The following SLC5A10 variants were observed in gnomAD, a reference collection of about 807,000 sequenced individuals.
The protein encoded by SLC5A10 is solute carrier family 5 member 10.
In SLC5A10, 55 loss-of-function variants were observed where a neutral mutation model predicts 68.9. That is an observed-to-expected ratio of 0.80 (90% CI 0.64 to 1.00). The LOEUF (loss-of-function observed/expected upper bound fraction) is 1.00, where lower values mean the gene tolerates loss of function less well. SLC5A10 is among the 50% of genes least tolerant of loss of function. SLC5A10 has a pLI of 0.00. For synonymous variants in SLC5A10, 344 were observed against 344.8 expected, an observed-to-expected ratio of 1.00 and a Z score of 0.02; for missense variants, 732 against 819.3, an observed-to-expected ratio of 0.89 and a Z score of 1.30.
chr17:18,956,968 G>C (rs1174838241), intron 1 of SLC5A10, among the ~76,000 whole-genome samples: 1 of 152,122 alleles, frequency 6.6e-6, no homozygotes, highest in Non-Finnish European at 1.5e-5. Flanking sequence ...GGCCAACATA[G>C]TGAAACCCCC....
intron 1 of SLC5A10, among the ~76,000 whole-genome samples, chr17:18,956,924 A>G (rs2469843): frequency 0.89 from 134,953 of 152,118 alleles, 60,334 homozygotes; most frequent in Middle Eastern, 0.92. Flanking sequence ...CAAGGCAGGC[A>G]GATCACATGA....
chr17:18,964,523 G>A (rs983237745), intron 5 of SLC5A10, among the ~76,000 whole-genome samples: 1 of 152,200 alleles, frequency 6.6e-6, no homozygotes, highest in Admixed American at 6.5e-5. Flanking sequence ...TCTAGACAGG[G>A]GGTAAGGAAA....
Position 18,978,521 on chromosome 17 carries a change from G to A in SLC5A10, c.982+1532G>A, listed in dbSNP as rs762745473. On this transcript the variant is annotated intron_variant, in intron 9 of 14. Transcript: ENST00000395645. ...CTCGGGGAGTTCCCCTGGATGCTCA[G>A]CCAGCGCTGGGCCTTTCAGCCCCAG... The A allele has an allele frequency of 9.9e-6, 16 of 1,613,166 alleles. No homozygotes were observed. In the East Asian group the frequency reaches 2.9e-4, roughly 29 times the overall value.
At chr17:18,985,893 C>T (rs2043257509) in intron 9 of SLC5A10, among the ~76,000 whole-genome samples, 1 of 152,232 alleles carries the variant, frequency 6.6e-6, no homozygotes, top group South Asian at 2.1e-4. Context: ...TACCCAAGCC[C>T]CTACCCCAGC....
At chr17:18,998,327 C>T (rs891724377) in intron 9 of SLC5A10, among the ~76,000 whole-genome samples, 3 of 152,226 alleles carry the variant, frequency 2.0e-5, no homozygotes, top group Non-Finnish European at 2.9e-5. Context: ...AAACTGAGGC[C>T]GAGGGTCCTG....
intron 9 of SLC5A10, chr17:18,978,041 C>T (rs756034004): frequency 1.3e-6 from 2 of 1,532,464 alleles, no homozygotes; most frequent in Admixed American, 4.2e-5. Context: ...CCTGGGTAGC[C>T]TATGGTCTGT....
In SLC5A10 at chr17:19,003,538, C is replaced by A. The variant is rs767942923; in HGVS notation, c.983-9872C>A. 6.5e-7 allele frequency: 1 copy of A among 1,540,394 alleles called. No individual in the cohort carries two copies. Among genetic ancestry groups the A allele is most frequent in the Non-Finnish European group, 8.7e-7 (1 of 1,143,122 alleles). On this transcript the variant is annotated intron_variant, in intron 9 of 14. Coordinates refer to ENST00000395645, the MANE Select transcript of SLC5A10 (RefSeq NM_001042450.4). The surrounding 1 kb of genome is among the most constrained non-coding windows in gnomAD (Gnocchi z 4.5). ...GCCTCACCTTCTGTGCCTGGCTGAT[C>A]ATCTTCCGCACCACCTCTTTGATGT...
At chr17:18,982,643 G>A (rs1413577337) in intron 9 of SLC5A10, among the ~76,000 whole-genome samples, 1 of 152,170 alleles carries the variant, frequency 6.6e-6, no homozygotes, top group African/African-American at 2.4e-5. Flanking sequence ...GGCAAGGTGG[G>A]GGCTCCAGGG....
At chr17:18,983,154 C>T (rs1278382894) in intron 9 of SLC5A10, among the ~76,000 whole-genome samples, 1 of 152,222 alleles carries the variant, frequency 6.6e-6, no homozygotes, top group African/African-American at 2.4e-5. Context: ...GTGACCTGCC[C>T]ACTGTCTCCC....
At position 19,017,559 on chromosome 17, in the gene SLC5A10, C is replaced by T. The variant is rs996442985; in HGVS notation, c.1242-1864C>T. The T allele has an allele frequency of 4.6e-6, 3 of 652,160 alleles. No homozygotes were observed. Among genetic ancestry groups the T allele is most frequent in the African/African-American group, 3.7e-5 (2 of 54,794 alleles). 40.4% of individuals were successfully genotyped at this position (652,160 alleles called of 1,614,324 possible). On this transcript the variant is annotated intron_variant, in intron 11 of 14. Transcript: ENST00000395645. The surrounding 1 kb of genome is among the most constrained non-coding windows in gnomAD (Gnocchi z 5.6). Reference sequence around the variant, plus strand: ...CCAGCTGAGCAGAGGCTGGAGGAGCCGTCACAGGCTGGGGGAGAGCGATGA... The same window carrying T: ...CCAGCTGAGCAGAGGCTGGAGGAGCTGTCACAGGCTGGGGGAGAGCGATGA...
In SLC5A10 at chr17:18,966,250, GA is replaced by G. The variant is rs137961538; in HGVS notation, c.454-2801del. Among the ~76,000 whole-genome samples, 484 of 152,292 alleles carry G rather than the reference GA, an allele frequency of 3.2e-3. 3 individuals are homozygous for G. The highest frequency in any genetic ancestry group is 0.011 in the African/African-American group (458 of 41,548). On this transcript the variant is annotated intron_variant, in intron 5 of 14. Transcript: ENST00000395645. ...GCAGGCACCTCTGGACAGCAGCCTG[GA>G]TCAGGCTGCTGAGCTGGGGGTGGAC...
At chr17:18,974,028 G>A (rs756058758) in intron 8 of SLC5A10, among the ~76,000 whole-genome samples, 1 of 152,066 alleles carries the variant, frequency 6.6e-6, no homozygotes, top group Non-Finnish European at 1.5e-5. Flanking sequence ...AAGTAGTTGG[G>A]ATTACAAGCG....
chr17:18,992,524 G>A (rs1257867127), intron 9 of SLC5A10, among the ~76,000 whole-genome samples: 3 of 152,350 alleles, frequency 2.0e-5, no homozygotes, highest in Non-Finnish European at 2.9e-5. Flanking sequence ...GCTGGCGTTG[G>A]GGGTGGGACA....
intron 9 of SLC5A10, among the ~76,000 whole-genome samples, chr17:19,005,027 G>A (rs1239365377): frequency 1.3e-5 from 2 of 152,210 alleles, no homozygotes; most frequent in Non-Finnish European, 2.9e-5. Context: ...AACAGCCTTG[G>A]CACCCCCCTG....
chr17:19,001,800 C>G (rs1299302443), intron 9 of SLC5A10, among the ~76,000 whole-genome samples: 2 of 152,172 alleles, frequency 1.3e-5, no homozygotes, highest in Non-Finnish European at 2.9e-5. Flanking sequence ...CATCGCTGGG[C>G]GGGGGATCTG....
intron 11 of SLC5A10, among the ~76,000 whole-genome samples, chr17:19,016,906 C>A (rs1270314433): frequency 6.6e-6 from 1 of 152,162 alleles, no homozygotes; most frequent in Non-Finnish European, 1.5e-5. Flanking sequence ...TGCCCTCCTG[C>A]CACCCAGTGT....
intron 9 of SLC5A10, among the ~76,000 whole-genome samples, chr17:19,011,809 G>T (rs56337615): frequency 2.6e-5 from 4 of 151,324 alleles, no homozygotes; most frequent in African/African-American, 4.9e-5. Flanking sequence ...GGGTAGGGGG[G>T]ACTGCCAGGG....
intron 9 of SLC5A10, among the ~76,000 whole-genome samples, chr17:18,986,939 G>A (rs556057604): frequency 1.1e-4 from 16 of 152,350 alleles, no homozygotes; most frequent in Middle Eastern, 3.4e-3. Flanking sequence ...CTAATTACGC[G>A]GCGGGGAGTG....
Position 19,003,719 on chromosome 17 carries a change from G to A in SLC5A10, c.983-9691G>A, listed in dbSNP as rs1478280462. On this transcript the variant is annotated intron_variant, in intron 9 of 14. Transcript: ENST00000395645. The surrounding 1 kb of genome is among the most constrained non-coding windows in gnomAD (Gnocchi z 4.5). ...GGAGGGCAGCGGCTCGGCCTCGATG[G>A]GGACCCCATCCGCCCCGCTGGCTTC... is the stretch of plus-strand genomic sequence containing the variant. 6.2e-7 allele frequency: 1 copy of A among 1,605,600 alleles called. No individual in the cohort carries two copies. The highest frequency in any genetic ancestry group is 1.1e-5 in the South Asian group (1 of 90,496).
Sources: gnomAD v4.1 joint callset for allele counts (sites outside exome capture counted in the v4.1 genomes callset) on GRCh38, gnomAD v4.1.1 for gene constraint, Gnocchi (gnomAD v3.1) non-coding constraint, MANE v1.5 for transcripts, NCBI Gene and HGNC (gene_info 2026-07-23, HGNC 2026-07-21) for gene names.